Variants in ACLY observed in about 807,000 individuals in gnomAD.
The protein encoded by ACLY is ATP-citrate synthase.
In ACLY, 41 loss-of-function variants were observed where a neutral mutation model predicts 133.0. The ratio of observed to expected loss-of-function variants is 0.31; its 90% confidence interval spans 0.24 to 0.40. The LOEUF (loss-of-function observed/expected upper bound fraction) is 0.40. Among genes scored for constraint, ACLY ranks in the 10% least tolerant of loss-of-function variants. The probability of loss-of-function intolerance (pLI) is 1.00; values close to 1 mark genes in which losing one functional copy is unlikely to be tolerated. For missense variants in ACLY, 1,046 were observed against 1,453.8 expected (o/e 0.72, Z 4.56); for synonymous variants, 495 against 549.3 (o/e 0.90, Z 1.38).
At chr17:41,922,758 T>C (rs1361398071), upstream of ACLY, among the ~76,000 whole-genome samples, 1 of 152,208 alleles carries the variant, frequency 6.6e-6, no homozygotes, top group Non-Finnish European at 1.5e-5. Context: ...GTCCTCCATT[T>C]AGGTGTTGCT....
intron 11 of ACLY, 23 bp from the exon 12 acceptor site, chr17:41,898,808 T>C (rs782428511): frequency 9.0e-5 from 144 of 1,605,214 alleles, no homozygotes; most frequent in Non-Finnish European, 1.2e-4. Flanking sequence ...GAAAAAAAAA[T>C]CCATAATTCA....
chr17:41,894,748 A>G (rs988930587), intron 14 of ACLY, among the ~76,000 whole-genome samples: 34 of 152,102 alleles, frequency 2.2e-4, no homozygotes, highest in African/African-American at 7.2e-4. Context: ...GACTTTTACC[A>G]CGCTTCAGGC....
At chr17:41,920,834 T>C (rs2050171073), upstream of ACLY, among the ~76,000 whole-genome samples, 1 of 152,064 alleles carries the variant, frequency 6.6e-6, no homozygotes, top group African/African-American at 2.4e-5. Context: ...GGTGGGTAGA[T>C]CACCTGAGTT....
chr17:41,926,023 T>G (rs1373047202), intron 1 of ACLY, among the ~76,000 whole-genome samples: 2 of 151,970 alleles, frequency 1.3e-5, no homozygotes, highest in Non-Finnish European at 2.9e-5. Context: ...TTTTGTATTT[T>G]TGGTAGAGAT....
chr17:41,884,348 A>G (rs537210980), intron 18 of ACLY, 74 bp from the exon 19 acceptor site: 622 of 977,094 alleles, frequency 6.4e-4, no homozygotes, highest in Non-Finnish European at 9.7e-4. Context: ...GTTAGGAAGC[A>G]CACTTGTACT....
intron 1 of ACLY, among the ~76,000 whole-genome samples, chr17:41,925,153 A>G (rs2050227504): frequency 6.6e-6 from 1 of 151,844 alleles, no homozygotes; most frequent in African/African-American, 2.4e-5. Context: ...CTCCTGCCTC[A>G]GCCTCCCAAG....
chr17:41,907,610 C>A (rs782192897), intron 6 of ACLY, 38 bp from the exon 7 acceptor site: 14 of 1,606,526 alleles, frequency 8.7e-6, no homozygotes, highest in Non-Finnish European at 1.2e-5. Context: ...GACACCGGCT[C>A]TGGGTAGAGA....
At chr17:41,925,662 G>T (rs1555635894) in intron 1 of ACLY, among the ~76,000 whole-genome samples, 3 of 151,972 alleles carry the variant, frequency 2.0e-5, no homozygotes, top group East Asian at 1.9e-4. Context: ...AGAAGGAAGT[G>T]GGGGAGGGGA....
intron 19 of ACLY, among the ~76,000 whole-genome samples, 157 bp downstream of exon 19, chr17:41,884,036 C>G (rs539397507): frequency 7.6e-4 from 116 of 152,274 alleles, no homozygotes; most frequent in African/African-American, 2.6e-3. Context: ...AATGGCAGTA[C>G]TAATAGTGAC....
intron 1 of ACLY, among the ~76,000 whole-genome samples, chr17:41,914,135 A>G (rs2049984684): frequency 6.6e-6 from 1 of 152,220 alleles, no homozygotes; most frequent in Non-Finnish European, 1.5e-5. Context: ...AGAGAAAAAC[A>G]AAAGTGCCAT....
In ACLY at chr17:41,876,903, A is replaced by G. The variant is rs555755936; in HGVS notation, c.2487+1200T>C. Among the ~76,000 whole-genome samples the G allele has an allele frequency of 2.4e-4, 37 of 152,070 alleles. No individual in the cohort carries two copies. The Middle Eastern group carries it at 0.01, about 42-fold the overall frequency. The stretch of plus-strand genomic sequence containing the variant: ...CTGCGAGAAACACCCAAGAATGATC[A>G]ATACAAAAAAATAAAAAATAAAAAA... On this transcript the variant is annotated intron_variant, in intron 22 of 28. Coordinates refer to ENST00000352035, the MANE Select transcript of ACLY (RefSeq NM_001096.3).
chr17:41,913,545 G>C (rs1555633985), intron 2 of ACLY, among the ~76,000 whole-genome samples, 170 bp downstream of exon 2: 2 of 152,204 alleles, frequency 1.3e-5, no homozygotes, highest in East Asian at 3.9e-4. Flanking sequence ...ACCTCAACAT[G>C]CAGGGCTCAG....
chr17:41,891,899 C>T (rs2049223839), intron 16 of ACLY, among the ~76,000 whole-genome samples: 1 of 152,016 alleles, frequency 6.6e-6, no homozygotes, highest in African/African-American at 2.4e-5. Flanking sequence ...GAATGGGTCT[C>T]GCTTTATTGC....
In ACLY at chr17:41,872,782, C is replaced by T. The variant is rs112152985; in HGVS notation, c.2643-600G>A. Reference sequence around the variant, plus strand: ...CTGACAGGAGGTGAGAACCCTGTCCCTTCACAGTGTAGGAGGCCCCATGCC... The same window carrying T: ...CTGACAGGAGGTGAGAACCCTGTCCTTTCACAGTGTAGGAGGCCCCATGCC... On this transcript the variant is annotated intron_variant, in intron 23 of 28. Coordinates refer to ENST00000352035, the MANE Select transcript of ACLY (RefSeq NM_001096.3). Among the ~76,000 whole-genome samples, 149 of 152,328 alleles carry T rather than the reference C, an allele frequency of 9.8e-4. 2 individuals are homozygous for T. The highest frequency in any genetic ancestry group is 3.4e-3 in the African/African-American group (141 of 41,570).
intron 16 of ACLY, among the ~76,000 whole-genome samples, chr17:41,889,725 G>A (rs556741740): frequency 9.5e-5 from 14 of 147,894 alleles, no homozygotes; most frequent in Admixed American, 2.7e-4. Flanking sequence ...GTCTCTCGTC[G>A]CCCAGGCTGG....
At chr17:41,889,778 C>T (rs1013666565) in intron 16 of ACLY, among the ~76,000 whole-genome samples, 12 of 152,058 alleles carry the variant, frequency 7.9e-5, no homozygotes, top group South Asian at 4.1e-4. Flanking sequence ...TTCCACCTCC[C>T]GGATTCAAGT....
chr17:41,889,554 A>AAAAAAAAG, intron 16 of ACLY, among the ~76,000 whole-genome samples: 3 of 150,022 alleles, frequency 2.0e-5, no homozygotes, highest in Non-Finnish European at 4.4e-5. Flanking sequence ...AAAAAAAAAA[A>AAAAAAAAG]AAGAAGTAGC....
chr17:41,917,502 T>G (rs895042652), intron 1 of ACLY, among the ~76,000 whole-genome samples: 4 of 151,938 alleles, frequency 2.6e-5, no homozygotes, highest in African/African-American at 9.7e-5. Flanking sequence ...CACAGGAGGC[T>G]GAATGAAAGA....
rs138402470 is a variant in ACLY, at chr17:41,917,386, C to T, written c.-24+1494G>A. On this transcript the variant is annotated intron_variant, in intron 1 of 28. Coordinates refer to ENST00000352035, the MANE Select transcript of ACLY (RefSeq NM_001096.3). ...GAACCTGAAAACACACACATACACA[C>T]ATTCTCTAAGGGAGGGGCCTTATGA... Among the ~76,000 whole-genome samples, 345 of 152,244 alleles carry T rather than the reference C, an allele frequency of 2.3e-3. 2 individuals are homozygous for T. The highest frequency in any genetic ancestry group is 3.1e-3 in the Non-Finnish European group (208 of 68,000).
Sources: gnomAD v4.1 joint callset for allele counts (sites outside exome capture counted in the v4.1 genomes callset) on GRCh38, gnomAD v4.1.1 for gene constraint, MANE v1.5 for transcripts, NCBI Gene and HGNC (gene_info 2026-07-23, HGNC 2026-07-21) for gene names.